Variants in WFDC2 observed in about 807,000 individuals in gnomAD.
WFDC2 encodes the protein WAP four-disulfide core domain protein 2.
WFDC2 carries 8 observed loss-of-function variants against 12.5 expected under a neutral mutation model. The observed-to-expected ratio is 0.64, with a 90% CI of 0.37 to 1.15. WFDC2 has a LOEUF of 1.15. Among genes scored for constraint, WFDC2 ranks in the 50% most tolerant of loss-of-function variants. The probability of loss-of-function intolerance (pLI) is 0.01; values close to 1 mark genes in which losing one functional copy is unlikely to be tolerated. For missense variants in WFDC2, 166 were observed against 159.9 expected (o/e 1.04, Z -0.21); for synonymous variants, 74 against 67.2 (o/e 1.10, Z -0.49).
At chr20:45,471,257 G>A in intron 2 of WFDC2, 1 of 450,574 alleles carries the variant, frequency 2.2e-6, no homozygotes, top group Non-Finnish European at 4.7e-6. Flanking sequence ...GATTGAGTGA[G>A]CGCGAGCTGG....
chr20:45,478,932 A>G (rs550061253), intron 2 of WFDC2, among the ~76,000 whole-genome samples: 50 of 152,190 alleles, frequency 3.3e-4, no homozygotes, highest in Admixed American at 3.9e-4. Context: ...CTTGTCCTCT[A>G]CAGCTAATCA....
chr20:45,470,215 C>T lies in WFDC2; in HGVS notation c.80-174C>T, dbSNP rs1991149372. ...CGCCAAGGGTTAGGGAGCTCTCGTA[C>T]TCCCAGGGGTCAGGGACTCCTGGTC... On this transcript the variant is annotated intron_variant, in intron 1 of 3. Coordinates refer to ENST00000372676, the MANE Select transcript of WFDC2 (RefSeq NM_006103.4). The surrounding 1 kb of genome is among the most constrained non-coding windows in gnomAD (Gnocchi z 5.4). Among the ~76,000 whole-genome samples, 1 of 152,100 alleles carries T rather than the reference C, an allele frequency of 6.6e-6. No individual in the cohort carries two copies. Among genetic ancestry groups the T allele is most frequent in the African/African-American group, 2.4e-5 (1 of 41,412 alleles).
chr20:45,475,592 C>A (rs752959945), intron 2 of WFDC2, among the ~76,000 whole-genome samples: 1 of 152,102 alleles, frequency 6.6e-6, no homozygotes, highest in Non-Finnish European at 1.5e-5. Context: ...TGTTTTACTT[C>A]CAATTATGTG....
At chr20:45,472,204 G>T (rs888409048) in intron 2 of WFDC2, among the ~76,000 whole-genome samples, 1 of 152,104 alleles carries the variant, frequency 6.6e-6, no homozygotes, top group Admixed American at 6.5e-5. Flanking sequence ...GTGCCATGGT[G>T]GTTTGCTTCA....
At chr20:45,474,254 G>A (rs1187730347) in intron 2 of WFDC2, among the ~76,000 whole-genome samples, 1 of 152,150 alleles carries the variant, frequency 6.6e-6, no homozygotes, top group Non-Finnish European at 1.5e-5. Context: ...CTTGTCTTGT[G>A]CCGGTTTTCA....
intron 2 of WFDC2, among the ~76,000 whole-genome samples, chr20:45,474,394 T>C (rs1172115759): frequency 1.3e-5 from 2 of 152,216 alleles, no homozygotes; most frequent in Non-Finnish European, 2.9e-5. Context: ...TGAAGGGTGT[T>C]GAATTTTATC....
At chr20:45,469,915 G>A in intron 1 of WFDC2, 55 bp downstream of exon 1, 1 of 1,563,606 alleles carries the variant, frequency 6.4e-7, no homozygotes, top group Non-Finnish European at 8.7e-7. Context: ...ACGAGCGCCA[G>A]GATGGAGCCA....
chr20:45,471,207 C>T (rs1175446634), intron 2 of WFDC2: 3 of 469,546 alleles, frequency 6.4e-6, no homozygotes, highest in Admixed American at 2.4e-5. Context: ...GACACTGTAT[C>T]GCCCTTCGTC....
chr20:45,474,725 G>A (rs1001323844), intron 2 of WFDC2, among the ~76,000 whole-genome samples: 4 of 152,124 alleles, frequency 2.6e-5, no homozygotes, highest in Admixed American at 2.6e-4. Context: ...TTTTTCTATT[G>A]TTTGGAATAG....
intron 2 of WFDC2, among the ~76,000 whole-genome samples, chr20:45,471,594 G>A (rs1221651520): frequency 1.3e-5 from 2 of 152,212 alleles, no homozygotes; most frequent in African/African-American, 4.8e-5. Context: ...CAGCTTCAAG[G>A]TCATGAGTCC....
intron 2 of WFDC2, among the ~76,000 whole-genome samples, chr20:45,475,281 T>A (rs922719419): frequency 4.6e-5 from 7 of 152,212 alleles, no homozygotes; most frequent in African/African-American, 1.7e-4. Context: ...GGGTGTCAAT[T>A]TTGGATCTTT....
Position 45,469,805 on chromosome 20 carries a change from G to A in WFDC2, c.24G>A (p.Pro8=). The change falls in exon 1 of 4, where the codon CCG becomes CCA. Residue 8 remains proline (P), a synonymous_variant. Coordinates refer to ENST00000372676, the MANE Select transcript of WFDC2 (RefSeq NM_006103.4). ...CCATGCCTGCTTGTCGCCTAGGCCC[G>A]CTAGCCGCCGCCCTCCTCCTCAGCC... The part of the protein sequence containing the change: MPACRLG[P]LAAALLLSLL... The A allele has an allele frequency of 1.2e-6, 2 of 1,609,606 alleles. No homozygotes were observed. The highest frequency in any genetic ancestry group is 1.7e-6 in the Non-Finnish European group (2 of 1,178,352).
In WFDC2 at chr20:45,469,802, C is replaced by T; in HGVS notation, c.21C>T (p.Gly7=). The part of the protein sequence containing the change: MPACRL[G]PLAAALLLSL... Reference sequence around the variant, plus strand: ...GCACCATGCCTGCTTGTCGCCTAGGCCCGCTAGCCGCCGCCCTCCTCCTCA... The same window carrying T: ...GCACCATGCCTGCTTGTCGCCTAGGTCCGCTAGCCGCCGCCCTCCTCCTCA... Residue 7 remains glycine (G), a synonymous_variant, in exon 1 of 4, where the codon GGC becomes GGT. Transcript: ENST00000372676. 5.0e-6 allele frequency: 8 copies of T among 1,610,156 alleles called. No homozygotes were observed. Among genetic ancestry groups the T allele is most frequent in the Non-Finnish European group, 5.9e-6 (7 of 1,178,612 alleles).
At chr20:45,480,214 C>T in intron 3 of WFDC2, 120 bp downstream of exon 3, 1 of 1,408,596 alleles carries the variant, frequency 7.1e-7, no homozygotes, top group Non-Finnish European at 9.7e-7. Context: ...AAAGGTATAC[C>T]AGTGGGGTGA....
At chr20:45,479,132 C>A (rs73907982) in intron 2 of WFDC2, among the ~76,000 whole-genome samples, 2 of 152,072 alleles carry the variant, frequency 1.3e-5, no homozygotes, top group African/African-American at 4.8e-5. Context: ...AGTGGAAGGA[C>A]GTGTGGTTTC....
intron 3 of WFDC2, 53 bp downstream of exon 3, chr20:45,480,147 A>G: frequency 6.2e-7 from 1 of 1,604,832 alleles, no homozygotes. Flanking sequence ...TGTGGGAAAC[A>G]GGAGAAAACG....
At chr20:45,480,958 G>A (rs909934904) in intron 3 of WFDC2, among the ~76,000 whole-genome samples, 2 of 152,096 alleles carry the variant, frequency 1.3e-5, no homozygotes, top group East Asian at 1.9e-4. Context: ...CAGTTATCTC[G>A]CTTATAAAAT....
Position 45,470,359 on chromosome 20 carries a change from C to G in WFDC2, c.80-30C>G. On this transcript the variant is annotated intron_variant, in intron 1 of 3. Coordinates refer to ENST00000372676, the MANE Select transcript of WFDC2 (RefSeq NM_006103.4). This position sits in a 1 kb window ranked among gnomAD's most constrained non-coding sequence, Gnocchi z 5.4. ...CCTCTGGGGCTGGCGCTACGCCCCACCCTCGACTGTCCCGGGCCTCCCCTC... is the reference window on the plus strand; with the variant it reads ...CCTCTGGGGCTGGCGCTACGCCCCAGCCTCGACTGTCCCGGGCCTCCCCTC... The G allele has an allele frequency of 6.4e-7, 1 of 1,561,000 alleles. No individual in the cohort carries two copies. The highest frequency in any genetic ancestry group is 2.4e-5 in the East Asian group (1 of 42,082).
At position 45,474,651 on chromosome 20, in the gene WFDC2, C is replaced by G. The variant is rs564842321; in HGVS notation, c.223+4119C>G. Reference sequence around the variant, plus strand: ...ACCTGAAATTTTTTTGTTATTGTGTCTCTGCCAGGTTTTAGTATCAGGATG... The same window carrying G: ...ACCTGAAATTTTTTTGTTATTGTGTGTCTGCCAGGTTTTAGTATCAGGATG... On this transcript the variant is annotated intron_variant, in intron 2 of 3. Transcript: ENST00000372676. 2.3e-3 allele frequency among the ~76,000 whole-genome samples: 345 copies of G among 152,208 alleles called. 1 individual carries two copies. The highest frequency in any genetic ancestry group is 0.014 in the South Asian group (65 of 4,812).
Sources: allele counts gnomAD v4.1 joint callset (sites outside exome capture counted in the v4.1 genomes callset), GRCh38; gene constraint gnomAD v4.1.1; non-coding constraint Gnocchi (gnomAD v3.1); transcripts MANE v1.5; gene names NCBI Gene and HGNC (gene_info 2026-07-23, HGNC 2026-07-21).